Variants in RYR2 observed in about 807,000 individuals in gnomAD.
RYR2 encodes the protein cardiac muscle ryanodine receptor-calcium release channel.
RYR2 carries 227 observed loss-of-function variants against 601.1 expected under a neutral mutation model. The observed-to-expected ratio is 0.38, with a 90% CI of 0.34 to 0.42. The LOEUF (loss-of-function observed/expected upper bound fraction) is 0.42. RYR2 is among the 10% of genes least tolerant of loss of function. RYR2 has a pLI of 1.00. For missense variants in RYR2, 4,646 were observed against 6,156.5 expected, an observed-to-expected ratio of 0.75 and a Z score of 8.21; for synonymous variants, 2,223 against 2,175.1, an observed-to-expected ratio of 1.02 and a Z score of -0.61.
chr1:237,195,357 G>A (rs1344621759), intron 1 of RYR2, among the ~76,000 whole-genome samples: 2 of 152,300 alleles, frequency 1.3e-5, no homozygotes, highest in African/African-American at 2.4e-5. Flanking sequence ...ACGTTCAAGT[G>A]ATTCTCCTGC....
intron 1 of RYR2, among the ~76,000 whole-genome samples, chr1:237,160,017 T>C (rs964623689): frequency 1.3e-5 from 2 of 152,210 alleles, no homozygotes; most frequent in African/African-American, 2.4e-5. Flanking sequence ...GACCATGCTT[T>C]ACTAATGAAA....
rs559012699 is a variant in RYR2 at position 237,220,285 on chromosome 1, C to T, written c.49-50212C>T. Among the ~76,000 whole-genome samples, 50 of 152,340 alleles carry T rather than the reference C, an allele frequency of 3.3e-4. No individual in the cohort carries two copies. The South Asian group carries it at 9.5e-3, about 29-fold the overall frequency. On this transcript the variant is annotated intron_variant, in intron 1 of 104. Coordinates refer to ENST00000366574, the MANE Select transcript of RYR2 (RefSeq NM_001035.3). ...CTCTGCTTTCTGTCTCCCTTCTGAG[C>T]AGGTCACTTTTTCTCCTCCGGCCTT...
At chr1:237,103,428 C>T (rs188633819) in intron 1 of RYR2, among the ~76,000 whole-genome samples, 7 of 152,272 alleles carry the variant, frequency 4.6e-5, no homozygotes, top group East Asian at 1.9e-4. Context: ...AAGTAAGCAA[C>T]GTGAAGAACA....
chr1:237,069,129 G>A (rs1169297416), intron 1 of RYR2, among the ~76,000 whole-genome samples: 1 of 152,144 alleles, frequency 6.6e-6, no homozygotes, highest in East Asian at 1.9e-4. Context: ...GGTTGTTCTG[G>A]AAGAGTGCTG....
At chr1:237,053,705 TG>T (rs1661575329) in intron 1 of RYR2, among the ~76,000 whole-genome samples, 1 of 152,240 alleles carries the variant, frequency 6.6e-6, no homozygotes, top group Non-Finnish European at 1.5e-5. Context: ...GAGCTTATTC[TG>T]TCTCTATGGG....
intron 34 of RYR2, among the ~76,000 whole-genome samples, chr1:237,601,667 G>C (rs1676517630): frequency 6.6e-6 from 1 of 152,104 alleles, no homozygotes; most frequent in African/African-American, 2.4e-5. Flanking sequence ...ATTACACAAT[G>C]TATGCAAGTA....
intron 1 of RYR2, among the ~76,000 whole-genome samples, chr1:237,207,215 A>C (rs1395999476): frequency 6.6e-6 from 1 of 152,070 alleles, no homozygotes; most frequent in Non-Finnish European, 1.5e-5. Flanking sequence ...AGGGCCTTTA[A>C]GAGGTAATTA....
chr1:237,306,539 C>T (rs1693876081), intron 2 of RYR2, among the ~76,000 whole-genome samples: 1 of 152,116 alleles, frequency 6.6e-6, no homozygotes, highest in African/African-American at 2.4e-5. Flanking sequence ...AATAACCAGT[C>T]AACATTGTTC....
intron 51 of RYR2, among the ~76,000 whole-genome samples, chr1:237,651,932 A>G (rs988681553): frequency 2.0e-5 from 3 of 152,066 alleles, no homozygotes; most frequent in East Asian, 1.9e-4. Flanking sequence ...AGTTACGTGG[A>G]AGGCTGAGGC....
At position 237,533,949 on chromosome 1, in the gene RYR2, T is replaced by TA. The variant is rs528803386; in HGVS notation, c.2906+3444dup. Among the ~76,000 whole-genome samples, 641 of 152,162 alleles carry TA rather than the reference T, an allele frequency of 4.2e-3. 4 individuals are homozygous for TA. The highest frequency in any genetic ancestry group is 7.1e-3 in the Non-Finnish European group (483 of 67,922). ...GTTATTTTATAATGATTTTTTAAAATAAAAATCTGATGACAGATGTAAATC... is the reference window on the plus strand; with the variant it reads ...GTTATTTTATAATGATTTTTTAAAATAAAAAATCTGATGACAGATGTAAATC... On this transcript the variant is annotated intron_variant, in intron 25 of 104. Transcript: ENST00000366574.
rs375787208 is a variant in RYR2, at chr1:237,350,874, AAATG to A, written c.274-5085_274-5082del. 3.9e-5 allele frequency among the ~76,000 whole-genome samples: 6 copies of A among 152,028 alleles called. No individual in the cohort carries two copies. In the East Asian group the frequency reaches 1.2e-3, roughly 29 times the overall value. ...ACAGTATTACAATAATCAGGCAAAT[AAATG>A]AATGAGGATATAGAAATCTGAACAG... On this transcript the variant is annotated intron_variant, in intron 3 of 104. Transcript: ENST00000366574.
At chr1:237,760,353 C>G (rs1693318875) in intron 83 of RYR2, among the ~76,000 whole-genome samples, 1 of 93,482 alleles carries the variant, frequency 1.1e-5, no homozygotes. Context: ...GAGACCCTGT[C>G]GCTAATTTAA....
intron 71 of RYR2, among the ~76,000 whole-genome samples, chr1:237,714,138 A>G (rs1033250317): frequency 2.0e-5 from 3 of 152,124 alleles, no homozygotes; most frequent in Non-Finnish European, 2.9e-5. Context: ...CCCTTCACTC[A>G]TCTTAAACCT....
intron 1 of RYR2, among the ~76,000 whole-genome samples, chr1:237,129,360 T>C (rs948808544): frequency 2.0e-4 from 30 of 152,212 alleles, no homozygotes; most frequent in African/African-American, 7.2e-4. Flanking sequence ...AAAAATCTAC[T>C]TGAAGACAGA....
At chr1:237,132,845 A>G (rs1162837962) in intron 1 of RYR2, among the ~76,000 whole-genome samples, 1 of 152,182 alleles carries the variant, frequency 6.6e-6, no homozygotes, top group East Asian at 1.9e-4. Flanking sequence ...GAGAGAAGAA[A>G]CCTGAAATTG....
chr1:237,436,980 ATTAC>A (rs1459825833), intron 12 of RYR2, among the ~76,000 whole-genome samples: 1 of 151,652 alleles, frequency 6.6e-6, no homozygotes, highest in Non-Finnish European at 1.5e-5. Context: ...AATGCCAAAT[ATTAC>A]TTAATACTTT....
intron 1 of RYR2, among the ~76,000 whole-genome samples, chr1:237,243,387 G>A (rs1044357509): frequency 3.7e-5 from 5 of 136,836 alleles, no homozygotes; most frequent in African/African-American, 1.3e-4. Flanking sequence ...ATCAGCTCAC[G>A]GAACTCAGGA....
intron 36 of RYR2, among the ~76,000 whole-genome samples, chr1:237,613,298 A>G (rs1028490410): frequency 6.6e-6 from 1 of 152,216 alleles, no homozygotes. Flanking sequence ...TACTCCCTCA[A>G]TTGAATATAA....
At position 237,559,367 on chromosome 1, in the gene RYR2, C is replaced by T. The variant is rs554130902; in HGVS notation, c.3215-7200C>T. 1.6e-4 allele frequency among the ~76,000 whole-genome samples: 25 copies of T among 152,146 alleles called. No homozygotes were observed. In the East Asian group the frequency reaches 2.7e-3, roughly 16 times the overall value. On this transcript the variant is annotated intron_variant, in intron 27 of 104. Transcript: ENST00000366574. The stretch of plus-strand genomic sequence containing the variant: ...TAGTGAAAATCAGCCACCCACAAGC[C>T]GCTGGAGTGGGCAGAACAGAGTTGG...
Sources: allele counts gnomAD v4.1 joint callset (sites outside exome capture counted in the v4.1 genomes callset), GRCh38; gene constraint gnomAD v4.1.1; transcripts MANE v1.5; gene names NCBI Gene and HGNC (gene_info 2026-07-23, HGNC 2026-07-21).